Variants in MDM2 observed in about 807,000 individuals in gnomAD.
MDM2 encodes the protein MDM2 proto-oncogene, also known as E3 ubiquitin-protein ligase Mdm2.
In MDM2, 11 loss-of-function variants were observed where a neutral mutation model predicts 64.3. The ratio of observed to expected loss-of-function variants is 0.17; its 90% CI spans 0.11 to 0.28. The LOEUF (loss-of-function observed/expected upper bound fraction) is 0.28. Among genes scored for constraint, MDM2 ranks in the 10% least tolerant of loss-of-function variants. MDM2 has a pLI of 1.00. For missense variants in MDM2, 388 were observed against 577.1 expected, an observed-to-expected ratio of 0.67 and a Z score of 3.36; for synonymous variants, 194 against 192.9, an observed-to-expected ratio of 1.01 and a Z score of -0.05.
chr12:68,845,483 T>G lies in MDM2; in HGVS notation c.*5634T>G, dbSNP rs1884218075. The G allele has an allele frequency of 4.9e-6, 1 of 204,004 alleles. No individual in the cohort carries two copies. Among genetic ancestry groups the G allele is most frequent in the Non-Finnish European group, 1.0e-5 (1 of 99,690 alleles). 12.6% of individuals were successfully genotyped at this position (204,004 alleles called of 1,614,324 possible). A position where few individuals can be genotyped will look rare whatever the true frequency, so the allele number is the denominator to read the frequency against. ...TTCATAATGCATCTGAAATGATTGC[T>G]GTACTCAAATATTTAACGTTAGAGT... On this transcript the variant is annotated 3_prime_UTR_variant, in exon 11 of 11. Transcript: ENST00000258149.
chr12:68,825,379 C>G (rs1333470404), intron 7 of MDM2, among the ~76,000 whole-genome samples: 1 of 151,444 alleles, frequency 6.6e-6, no homozygotes. Flanking sequence ...AAGGGCCGGG[C>G]GCAGTGGCTC....
Position 68,840,995 on chromosome 12 carries a change from C to CCA in MDM2, c.*1148_*1149dup. 5.7e-6 allele frequency: 1 copy of CCA among 174,900 alleles called. No individual in the cohort carries two copies. Among genetic ancestry groups the CCA allele is most frequent in the Non-Finnish European group, 1.2e-5 (1 of 81,396 alleles). The allele number at this position is 174,900 out of a possible 1,614,324, so 10.8% of individuals were successfully genotyped here. Reference sequence around the variant, plus strand: ...AAGTAACTGGGATTACAGGCATGTACCACCATACCAGCTGATTTTTTTGTA... The same window carrying CCA: ...AAGTAACTGGGATTACAGGCATGTACCACACCATACCAGCTGATTTTTTTGTA... On this transcript the variant is annotated 3_prime_UTR_variant, in exon 11 of 11. Transcript: ENST00000258149.
intron 10 of MDM2, 76 bp downstream of exon 10, chr12:68,836,825 T>C: frequency 2.3e-6 from 2 of 873,422 alleles, no homozygotes; most frequent in Non-Finnish European, 1.9e-6. Flanking sequence ...CTAGCTTCTT[T>C]CTGAAATGAA....
chr12:68,808,361 G>A lies in MDM2; in HGVS notation c.-117G>A. On this transcript the variant is annotated 5_prime_UTR_variant, in exon 1 of 11. Coordinates refer to ENST00000258149, the MANE Select transcript of MDM2 (RefSeq NM_002392.6). The stretch of plus-strand genomic sequence containing the variant: ...GGATTAGTGCGTACGAGCGCCCAGT[G>A]CCCTGGCCCGGAGAGTGGAATGATC... The A allele has an allele frequency of 7.2e-7, 1 of 1,397,552 alleles. No individual in the cohort carries two copies. Among genetic ancestry groups the A allele is most frequent in the Non-Finnish European group, 1.0e-6 (1 of 992,704 alleles). The allele number at this position is 1,397,552 out of a possible 1,614,324, so 86.6% of individuals were successfully genotyped here.
Position 68,816,796 on chromosome 12 carries a change from CAT to C in MDM2, c.175-13_175-12del. Reference sequence around the variant, plus strand: ...TTAGTTTTCTTTAATGCTCAGAAATCATATTTGTATTTCAGGTTCTTTTTTAT... The same window carrying C: ...TTAGTTTTCTTTAATGCTCAGAAATCATTTGTATTTCAGGTTCTTTTTTAT... On this transcript the variant is annotated splice_polypyrimidine_tract_variant and intron_variant, in intron 3 of 10. Transcript: ENST00000258149. 6.4e-7 allele frequency: 1 copy of C among 1,561,970 alleles called. No homozygotes were observed. The highest frequency in any genetic ancestry group is 8.7e-7 in the Non-Finnish European group (1 of 1,155,518).
Position 68,845,541 on chromosome 12 carries a change from G to A in MDM2, c.*5692G>A, listed in dbSNP as rs1383532270. ...TTTTGAATGAAAACCATAGTTGATT[G>A]TCTTTAGAGAGAGGAGTGGTACTGA... On this transcript the variant is annotated 3_prime_UTR_variant, in exon 11 of 11. Coordinates refer to ENST00000258149, the MANE Select transcript of MDM2 (RefSeq NM_002392.6). 2.7e-5 allele frequency: 5 copies of A among 188,622 alleles called. No homozygotes were observed. The highest frequency in any genetic ancestry group is 1.9e-4 in the South Asian group (1 of 5,144). The allele number at this position is 188,622 out of a possible 1,614,324, so 11.7% of individuals were successfully genotyped here.
chr12:68,832,059 A>G (rs974760817), intron 8 of MDM2, among the ~76,000 whole-genome samples: 5 of 152,138 alleles, frequency 3.3e-5, no homozygotes, highest in African/African-American at 4.8e-5. Flanking sequence ...AACGAGAACG[A>G]AATTCCATCT....
intron 7 of MDM2, among the ~76,000 whole-genome samples, chr12:68,826,604 G>A (rs185411985): frequency 5.5e-4 from 76 of 138,860 alleles, no homozygotes; most frequent in African/African-American, 1.9e-3. Flanking sequence ...AACCAAGGTC[G>A]CACCACTGCA....
chr12:68,835,160 T>A (rs1213365113), intron 8 of MDM2, among the ~76,000 whole-genome samples: 1 of 152,234 alleles, frequency 6.6e-6, no homozygotes, highest in Non-Finnish European at 1.5e-5. Context: ...TCAAAGTATA[T>A]ATAATTCAGA....
downstream of MDM2, chr12:68,846,382 A>C (rs906002001): frequency 6.6e-5 from 10 of 152,146 alleles, no homozygotes; most frequent in African/African-American, 2.4e-4. Flanking sequence ...CCACCACGCC[A>C]AGCCCAAAAT....
chr12:68,827,684 A>C (rs1882454475), intron 7 of MDM2, among the ~76,000 whole-genome samples: 1 of 152,216 alleles, frequency 6.6e-6, no homozygotes, highest in African/African-American at 2.4e-5. Flanking sequence ...TTAGATCTTT[A>C]ATCCACCTGG....
chr12:68,817,762 AT>A (rs1447666447), intron 4 of MDM2, among the ~76,000 whole-genome samples: 1 of 151,672 alleles, frequency 6.6e-6, no homozygotes, highest in African/African-American at 2.4e-5. Context: ...TGAAAAAAAA[AT>A]TTTTTTAATA....
chr12:68,829,123 GAAAATAGT>G (rs1301150280), intron 8 of MDM2, among the ~76,000 whole-genome samples, 192 bp downstream of exon 8: 1 of 152,180 alleles, frequency 6.6e-6, no homozygotes, highest in African/African-American at 2.4e-5. Context: ...GAGAAATGTG[GAAAATAGT>G]GGAGTAACAC....
rs766375101 is a variant in MDM2, at chr12:68,835,838, G to T, written c.694G>T (p.Ala232Ser). The T allele has an allele frequency of 6.2e-7, 1 of 1,611,728 alleles. No homozygotes were observed. Among genetic ancestry groups the T allele is most frequent in the East Asian group, 2.2e-5 (1 of 44,822 alleles). The change falls in exon 9 of 11, where the codon GCT becomes TCT. Residue 232 changes from alanine to serine, a missense_variant. Physicochemically the swap from Ala to Ser is moderately conservative, Grantham distance 99. Around this residue, in one of 5 missense-constraint regions of MDM2, gnomAD observed 168 missense variants for 236.6 expected, o/e 0.71. Transcript: ENST00000258149. ...TTTTTTCTTGTTTTAGGATCTTGAT[G>T]CTGGTGTAAGTGAACATTCAGGTGA... ...TGTPSNPDLD[A>S]GVSEHSGDWL... is the part of the protein sequence containing the mutation.
At chr12:68,837,964 A>G (rs1883444998) in intron 10 of MDM2, among the ~76,000 whole-genome samples, 1 of 152,202 alleles carries the variant, frequency 6.6e-6, no homozygotes, top group Admixed American at 6.5e-5. Context: ...TAATTGAATC[A>G]TTTGATGTCA....
chr12:68,829,765 CAAA>C (rs10658881), intron 8 of MDM2, among the ~76,000 whole-genome samples: 6 of 104,886 alleles, frequency 5.7e-5, no homozygotes, highest in South Asian at 6.7e-4. Context: ...GACTCCATCT[CAAA>C]AAAAAAAAAA....
intron 5 of MDM2, among the ~76,000 whole-genome samples, chr12:68,820,981 A>G (rs888625159): frequency 2.0e-5 from 3 of 151,816 alleles, no homozygotes; most frequent in African/African-American, 7.3e-5. Context: ...GCTGACTTCC[A>G]TAGTATAATA....
chr12:68,812,127 G>A (rs1312051771), intron 2 of MDM2, among the ~76,000 whole-genome samples: 1 of 151,940 alleles, frequency 6.6e-6, no homozygotes, highest in African/African-American at 2.4e-5. Flanking sequence ...GAGAAAAAAG[G>A]TTATTTTTAA....
chr12:68,826,414 C>G (rs1298302703), intron 7 of MDM2, among the ~76,000 whole-genome samples: 1 of 151,772 alleles, frequency 6.6e-6, no homozygotes, highest in Non-Finnish European at 1.5e-5. Flanking sequence ...TTTGGAAGGC[C>G]GAAGCGGGTG....
Sources: gnomAD v4.1 joint callset for allele counts (sites outside exome capture counted in the v4.1 genomes callset) on GRCh38, gnomAD v4.1.1 for gene constraint, gnomAD v4.1.1 regional missense constraint, MANE v1.5 for transcripts, NCBI Gene and HGNC (gene_info 2026-07-23, HGNC 2026-07-21) for gene names.